CELF2: variants seen among roughly 807,000 people sequenced by gnomAD.
CELF2 encodes CUGBP Elav-like family member 2.
Under a neutral mutation model 62.6 loss-of-function variants are expected in CELF2, and 8 were observed. That is an observed-to-expected ratio of 0.13 (90% CI 0.07 to 0.23). The LOEUF is 0.23. CELF2 is among the 10% of genes least tolerant of loss of function. The pLI is 1.00. For synonymous variants in CELF2, 258 were observed against 250.0 expected (o/e 1.03, Z -0.30); for missense variants, 333 against 671.0 (o/e 0.50, Z 5.56).
At chr10:10,682,855 G>C in the CELF2 span, among the ~76,000 whole-genome samples, 3 of 152,170 alleles carry the variant, frequency 2.0e-5, no homozygotes, top group African/African-American at 7.2e-5. Context: ...AAAGTATTTT[G>C]AGTAACAGTA....
chr10:11,127,539 A>C (rs2058917604), intron 1 of CELF2, among the ~76,000 whole-genome samples: 1 of 152,092 alleles, frequency 6.6e-6, no homozygotes, highest in Admixed American at 6.5e-5. Context: ...ATTTCTCCAC[A>C]TCCTCTGCAG....
chr10:10,888,248 T>C (rs149599960), intron 1 of CELF2, among the ~76,000 whole-genome samples: 2 of 152,312 alleles, frequency 1.3e-5, no homozygotes, highest in African/African-American at 4.8e-5. Context: ...AGAAAGAACA[T>C]AGACATTCCT....
At chr10:10,481,492 G>A in the CELF2 span, among the ~76,000 whole-genome samples, 1 of 152,064 alleles carries the variant, frequency 6.6e-6, no homozygotes, top group African/African-American at 2.4e-5. Flanking sequence ...CTCAACTCCA[G>A]TTTAACTCCA....
At chr10:10,949,346 G>A (rs1237288905) in intron 2 of CELF2, among the ~76,000 whole-genome samples, 2 of 152,086 alleles carry the variant, frequency 1.3e-5, no homozygotes, top group Admixed American at 1.3e-4. Context: ...CAGTGGGGCT[G>A]TGCCTCTAGT....
At chr10:10,912,078 C>G (rs2063860237) in intron 1 of CELF2, among the ~76,000 whole-genome samples, 1 of 152,166 alleles carries the variant, frequency 6.6e-6, no homozygotes, top group East Asian at 1.9e-4. Context: ...CAGCAGGTAC[C>G]CCGTAAATCT....
chr10:10,667,475 G>C, the CELF2 span, among the ~76,000 whole-genome samples: 3 of 152,192 alleles, frequency 2.0e-5, no homozygotes, highest in African/African-American at 7.2e-5. Flanking sequence ...AAGGCCACAG[G>C]AATAGCTGCC....
intron 1 of CELF2, among the ~76,000 whole-genome samples, chr10:10,882,270 G>T (rs1286184738): frequency 1.3e-5 from 2 of 152,224 alleles, no homozygotes; most frequent in Non-Finnish European, 2.9e-5. Context: ...AGACCTCAAT[G>T]AAGAAAGGAA....
rs1199792430 is a variant in CELF2 at position 11,039,126 on chromosome 10, G to C, written c.74+20963G>C. ...ACCATGTAACGGCGATAACAGCCGAGTCCTGTGTCAGCTCTCCTATTAGCG... is the reference window on the plus strand; with the variant it reads ...ACCATGTAACGGCGATAACAGCCGACTCCTGTGTCAGCTCTCCTATTAGCG... On this transcript the variant is annotated intron_variant, in intron 1 of 12. Transcript: ENST00000633077. The surrounding 1 kb of genome is among the most constrained non-coding windows in gnomAD (Gnocchi z 4.1). 6.6e-6 allele frequency among the ~76,000 whole-genome samples: 1 copy of C among 152,230 alleles called. No individual in the cohort carries two copies. Among genetic ancestry groups the C allele is most frequent in the Non-Finnish European group, 1.5e-5 (1 of 68,030 alleles).
At chr10:10,591,288 G>A in the CELF2 span, among the ~76,000 whole-genome samples, 1 of 151,980 alleles carries the variant, frequency 6.6e-6, no homozygotes, top group African/African-American at 2.4e-5. Context: ...TTTAATAATG[G>A]GATGGTTAAA....
the CELF2 span, among the ~76,000 whole-genome samples, chr10:10,713,673 T>C: frequency 6.6e-6 from 1 of 152,234 alleles, no homozygotes; most frequent in African/African-American, 2.4e-5. Flanking sequence ...CTCTAAGACC[T>C]ATTCATATGC....
At chr10:11,069,825 T>A (rs1226641114) in intron 1 of CELF2, among the ~76,000 whole-genome samples, 1 of 152,256 alleles carries the variant, frequency 6.6e-6, no homozygotes, top group Non-Finnish European at 1.5e-5. Flanking sequence ...GTTAAGATAC[T>A]GCGTTTTGAT....
chr10:10,856,081 A>G (rs1222508438), intron 1 of CELF2, among the ~76,000 whole-genome samples: 2 of 152,162 alleles, frequency 1.3e-5, no homozygotes, highest in African/African-American at 4.8e-5. Context: ...AGAACTTAAA[A>G]ATTTAGAAAT....
intron 1 of CELF2, among the ~76,000 whole-genome samples, chr10:10,833,822 G>C (rs765082049): frequency 6.6e-6 from 1 of 152,220 alleles, no homozygotes; most frequent in Non-Finnish European, 1.5e-5. Flanking sequence ...ACAGATGCTG[G>C]TGAGGTTGCA....
At chr10:10,926,529 G>A (rs1364518515) in intron 2 of CELF2, among the ~76,000 whole-genome samples, 3 of 152,316 alleles carry the variant, frequency 2.0e-5, no homozygotes, top group East Asian at 1.9e-4. Flanking sequence ...AGCACAAAAC[G>A]GACTACAGCC....
chr10:10,899,375 G>T (rs1038805022), intron 1 of CELF2, among the ~76,000 whole-genome samples: 8 of 152,140 alleles, frequency 5.3e-5, no homozygotes, highest in Non-Finnish European at 1.2e-4. Context: ...GAAAATGAAA[G>T]AGGTGATATC....
intron 9 of CELF2, among the ~76,000 whole-genome samples, chr10:11,308,485 A>AT (rs1413917478): frequency 2.6e-5 from 4 of 152,150 alleles, no homozygotes; most frequent in African/African-American, 9.7e-5. Flanking sequence ...CTCTATCAGT[A>AT]TATCTTCAAG....
intron 1 of CELF2, among the ~76,000 whole-genome samples, chr10:11,106,082 C>T (rs1192074127): frequency 2.0e-5 from 3 of 152,140 alleles, no homozygotes; most frequent in Non-Finnish European, 4.4e-5. Flanking sequence ...TTTCACATGG[C>T]CTCATTATCA....
intron 1 of CELF2, among the ~76,000 whole-genome samples, chr10:11,063,038 T>C (rs1217946945): frequency 6.6e-6 from 1 of 152,202 alleles, no homozygotes; most frequent in East Asian, 1.9e-4. Flanking sequence ...TAGTTAGCAA[T>C]TTTTAGCAAT....
chr10:10,753,920 G>A, the CELF2 span, among the ~76,000 whole-genome samples: 14 of 152,276 alleles, frequency 9.2e-5, no homozygotes, highest in South Asian at 6.2e-4. Flanking sequence ...ATTTATAGGT[G>A]AGGGTTTATT....
Sources: gnomAD v4.1 joint callset for allele counts (sites outside exome capture counted in the v4.1 genomes callset) on GRCh38, gnomAD v4.1.1 for gene constraint, Gnocchi (gnomAD v3.1) non-coding constraint, MANE v1.5 for transcripts, NCBI Gene and HGNC (gene_info 2026-07-23, HGNC 2026-07-21) for gene names.